The following LGSN variants were observed in gnomAD, a reference collection of about 807,000 sequenced individuals.
The protein encoded by LGSN is lengsin.
LGSN carries 21 observed loss-of-function variants against 19.5 expected under a neutral mutation model. The observed-to-expected ratio is 1.07, with a 90% CI of 0.76 to 1.55. The LOEUF (loss-of-function observed/expected upper bound fraction) is 1.55, where lower values mean the gene tolerates loss of function less well. LGSN is among the 40% of genes most tolerant of loss of function. The pLI, the probability that LGSN is intolerant of heterozygous loss-of-function variation, is 0.00. For synonymous variants in LGSN, 257 were observed against 215.6 expected, an observed-to-expected ratio of 1.19 and a Z score of -1.68; for missense variants, 673 against 608.5, an observed-to-expected ratio of 1.11 and a Z score of -1.12.
the LGSN span, among the ~76,000 whole-genome samples, chr6:63,523,287 T>C: frequency 6.6e-6 from 1 of 152,068 alleles, no homozygotes; most frequent in Non-Finnish European, 1.5e-5. Flanking sequence ...CACAATATGA[T>C]GTCTATAAAT....
the LGSN span, among the ~76,000 whole-genome samples, chr6:63,379,505 ATGT>A: frequency 2.0e-5 from 3 of 152,128 alleles, no homozygotes; most frequent in African/African-American, 7.2e-5. Flanking sequence ...AGTGCAGTTG[ATGT>A]TGTTTCTTTC....
the LGSN span, among the ~76,000 whole-genome samples, chr6:63,567,524 C>A: frequency 6.6e-6 from 1 of 152,154 alleles, no homozygotes; most frequent in East Asian, 1.9e-4. Flanking sequence ...ATTTAGTGAG[C>A]CATGCTAAAC....
At chr6:63,559,429 C>CA in the LGSN span, among the ~76,000 whole-genome samples, 19 of 151,804 alleles carry the variant, frequency 1.3e-4, no homozygotes, top group East Asian at 3.9e-4. Flanking sequence ...TTAAACGCAG[C>CA]AAAAAAAATC....
the LGSN span, among the ~76,000 whole-genome samples, chr6:63,452,856 T>A: frequency 6.6e-6 from 1 of 152,100 alleles, no homozygotes; most frequent in Admixed American, 6.6e-5. Flanking sequence ...GCCCCTTTTT[T>A]TCTAGTATGT....
the LGSN span, among the ~76,000 whole-genome samples, chr6:63,355,368 C>CT: frequency 3.3e-5 from 5 of 152,332 alleles, no homozygotes; most frequent in African/African-American, 1.2e-4. Context: ...TACTTTGTCT[C>CT]TTTCCTCATG....
At chr6:63,458,938 TAA>T in the LGSN span, among the ~76,000 whole-genome samples, 1 of 152,228 alleles carries the variant, frequency 6.6e-6, no homozygotes, top group Non-Finnish European at 1.5e-5. Context: ...TACCATTATG[TAA>T]AGTTTGTAAT....
the LGSN span, among the ~76,000 whole-genome samples, chr6:63,512,074 C>T: frequency 2.2e-5 from 3 of 133,696 alleles, no homozygotes; most frequent in Admixed American, 2.3e-4. Context: ...CTTTCCTTCG[C>T]TCCATGTTCT....
At chr6:63,513,417 ATTT>A in the LGSN span, among the ~76,000 whole-genome samples, 11 of 150,334 alleles carry the variant, frequency 7.3e-5, no homozygotes, top group African/African-American at 1.9e-4. Context: ...TAAAATGGGG[ATTT>A]TTTTTTTTAT....
At chr6:63,481,995 G>C in the LGSN span, 1 of 155,058 alleles carries the variant, frequency 6.4e-6, no homozygotes, top group Non-Finnish European at 1.4e-5. Flanking sequence ...TTCTATTTCT[G>C]ATTATCTACG....
chr6:63,306,512 A>C (rs7774340), intron 1 of LGSN, among the ~76,000 whole-genome samples: 36 of 152,344 alleles, frequency 2.4e-4, no homozygotes, highest in African/African-American at 8.2e-4. Context: ...CCAAGAGTGA[A>C]GTTGTAACCT....
At chr6:63,545,068 C>G in the LGSN span, among the ~76,000 whole-genome samples, 1 of 152,100 alleles carries the variant, frequency 6.6e-6, no homozygotes, top group Non-Finnish European at 1.5e-5. Context: ...CAACATGTAC[C>G]AATTGGCATT....
At chr6:63,487,939 C>T in the LGSN span, among the ~76,000 whole-genome samples, 1 of 151,330 alleles carries the variant, frequency 6.6e-6, no homozygotes, top group Non-Finnish European at 1.5e-5. Flanking sequence ...GAGATCACGC[C>T]ACTGCATTCC....
the LGSN span, among the ~76,000 whole-genome samples, chr6:63,340,175 G>A: frequency 6.6e-5 from 10 of 151,992 alleles, 1 homozygote; most frequent in South Asian, 1.2e-3. Context: ...GTGACTTGAC[G>A]CTTTTCTCTT....
the LGSN span, among the ~76,000 whole-genome samples, chr6:63,377,913 C>CAAA: frequency 2.4e-4 from 13 of 54,308 alleles, no homozygotes; most frequent in South Asian, 6.0e-4. Context: ...GACTCCATCT[C>CAAA]AAAAAAAAAA....
chr6:63,557,199 T>G, the LGSN span, among the ~76,000 whole-genome samples: 1 of 152,156 alleles, frequency 6.6e-6, no homozygotes, highest in African/African-American at 2.4e-5. Flanking sequence ...ATAGAGGTAT[T>G]TGCAAGGTAC....
At chr6:63,289,718 T>C (rs1767692699) in intron 2 of LGSN, among the ~76,000 whole-genome samples, 1 of 152,120 alleles carries the variant, frequency 6.6e-6, no homozygotes, top group Non-Finnish European at 1.5e-5. Flanking sequence ...ATATCAGTTA[T>C]ATATAGAGAG....
chr6:63,279,898 T>C lies in LGSN; in HGVS notation c.*123A>G. ...AATATTCCATGGACAAAAAAAAAAG[T>C]CAAAAGCATTCGTAATCTTGTTATT... On this transcript the variant is annotated 3_prime_UTR_variant, in exon 4 of 4. Coordinates refer to ENST00000370657, the MANE Select transcript of LGSN (RefSeq NM_016571.3). The C allele has an allele frequency of 2.1e-6, 2 of 934,414 alleles. No homozygotes were observed. The highest frequency in any genetic ancestry group is 3.2e-6 in the Non-Finnish European group (2 of 618,276). 57.9% of individuals were successfully genotyped at this position (934,414 alleles called of 1,614,324 possible).
At chr6:63,299,520 C>T (rs1768103761) in intron 1 of LGSN, among the ~76,000 whole-genome samples, 1 of 152,156 alleles carries the variant, frequency 6.6e-6, no homozygotes. Context: ...ACCTAAAAGT[C>T]ATCCTTTTAG....
At chr6:63,314,872 A>G (rs752285741) in intron 1 of LGSN, among the ~76,000 whole-genome samples, 4 of 152,202 alleles carry the variant, frequency 2.6e-5, no homozygotes, top group Admixed American at 6.6e-5. Context: ...AGTGACACCA[A>G]TCTGCACAGG....
Sources: allele counts gnomAD v4.1 joint callset (sites outside exome capture counted in the v4.1 genomes callset), GRCh38; gene constraint gnomAD v4.1.1; transcripts MANE v1.5; gene names NCBI Gene and HGNC (gene_info 2026-07-23, HGNC 2026-07-21).